NRF1: variants seen among roughly 807,000 people sequenced by gnomAD.
The protein encoded by NRF1 is alpha palindromic-binding protein.
NRF1 carries 5 observed loss-of-function variants against 58.5 expected under a neutral mutation model. The observed-to-expected ratio is 0.09, with a 90% CI of 0.04 to 0.18. The LOEUF is 0.18. NRF1 is among the 10% of genes least tolerant of loss of function. The pLI, the probability that NRF1 is intolerant of heterozygous loss-of-function variation, is 1.00. For missense variants in NRF1, 288 were observed against 657.7 expected, an observed-to-expected ratio of 0.44 and a Z score of 6.15; for synonymous variants, 224 against 246.7, an observed-to-expected ratio of 0.91 and a Z score of 0.86.
At chr7:129,612,226 G>C (rs1440703439) in intron 1 of NRF1, among the ~76,000 whole-genome samples, 1 of 151,186 alleles carries the variant, frequency 6.6e-6, no homozygotes, top group Non-Finnish European at 1.5e-5. Context: ...GGAGCGGGAG[G>C]TGGGCGGGCT....
intron 2 of NRF1, among the ~76,000 whole-genome samples, chr7:129,658,701 A>G (rs1801715622): frequency 6.6e-6 from 1 of 151,852 alleles, no homozygotes; most frequent in Non-Finnish European, 1.5e-5. Context: ...TCATGCGCCC[A>G]TCCTATATGC....
At chr7:129,701,610 GAA>G (rs981454259) in intron 5 of NRF1, among the ~76,000 whole-genome samples, 1 of 145,164 alleles carries the variant, frequency 6.9e-6, no homozygotes, top group Admixed American at 7.0e-5. Context: ...AAAAGAAAAA[GAA>G]AAAAAAAAGA....
At chr7:129,679,854 T>C (rs995130919) in intron 4 of NRF1, among the ~76,000 whole-genome samples, 8 of 151,680 alleles carry the variant, frequency 5.3e-5, no homozygotes, top group African/African-American at 1.9e-4. Flanking sequence ...AGTCAGGAGT[T>C]CAAGACCAGC....
intron 4 of NRF1, among the ~76,000 whole-genome samples, chr7:129,678,247 A>G (rs1802228322): frequency 6.6e-6 from 1 of 152,200 alleles, no homozygotes; most frequent in South Asian, 2.1e-4. Context: ...TTTTGATTGT[A>G]TAACTATCCA....
chr7:129,745,204 T>A (rs1803944790), intron 10 of NRF1, among the ~76,000 whole-genome samples: 1 of 152,114 alleles, frequency 6.6e-6, no homozygotes, highest in Non-Finnish European at 1.5e-5. Flanking sequence ...ATTGCCATGA[T>A]CTATCCTCTG....
intron 4 of NRF1, among the ~76,000 whole-genome samples, chr7:129,687,276 CTTTT>C (rs34165257): frequency 1.5e-5 from 2 of 137,754 alleles, no homozygotes. Context: ...GATGCAAGTC[CTTTT>C]TTTTTTTTTT....
At chr7:129,633,086 A>G (rs1282101319) in intron 1 of NRF1, among the ~76,000 whole-genome samples, 2 of 152,316 alleles carry the variant, frequency 1.3e-5, no homozygotes, top group South Asian at 2.1e-4. Flanking sequence ...TATATCAGAC[A>G]TACTTGGTAA....
chr7:129,724,997 G>A (rs1469987864), intron 9 of NRF1, among the ~76,000 whole-genome samples: 3 of 152,182 alleles, frequency 2.0e-5, no homozygotes, highest in Non-Finnish European at 4.4e-5. Context: ...GATTGCTTGA[G>A]CCCGGGAATT....
At chr7:129,681,308 A>C (rs1308473335) in intron 4 of NRF1, among the ~76,000 whole-genome samples, 1 of 152,204 alleles carries the variant, frequency 6.6e-6, no homozygotes, top group African/African-American at 2.4e-5. Flanking sequence ...GAAACCAAGA[A>C]AATAAATTTG....
At chr7:129,726,570 A>T (rs1274513276) in intron 9 of NRF1, among the ~76,000 whole-genome samples, 1 of 152,186 alleles carries the variant, frequency 6.6e-6, no homozygotes, top group African/African-American at 2.4e-5. Flanking sequence ...AACTGTATTT[A>T]TACAGTTTGG....
At chr7:129,633,301 G>A (rs1801092043) in intron 1 of NRF1, 2 of 152,140 alleles carry the variant, frequency 1.3e-5, no homozygotes, top group South Asian at 4.1e-4. Flanking sequence ...ATGGGAAAAA[G>A]GAAAATAAAA....
At chr7:129,714,924 A>G (rs536582885) in intron 8 of NRF1, among the ~76,000 whole-genome samples, 2 of 152,302 alleles carry the variant, frequency 1.3e-5, no homozygotes, top group South Asian at 2.1e-4. Context: ...TGAAGCAGGA[A>G]TAGCAAGAGC....
intron 1 of NRF1, chr7:129,633,467 T>A (rs1461080901): frequency 6.6e-6 from 1 of 152,232 alleles, no homozygotes; most frequent in Non-Finnish European, 1.5e-5. Flanking sequence ...CCTTGTGCAC[T>A]TTTTAGTTAG....
chr7:129,698,144 T>G (rs1218986969), intron 5 of NRF1, among the ~76,000 whole-genome samples: 1 of 152,198 alleles, frequency 6.6e-6, no homozygotes, highest in Non-Finnish European at 1.5e-5. Context: ...AACTAAATGC[T>G]CTGTTCTTTT....
chr7:129,688,723 A>G (rs10954250), intron 4 of NRF1, among the ~76,000 whole-genome samples: 129,981 of 152,082 alleles, frequency 0.85, 55,680 homozygotes, highest in Middle Eastern at 0.91. Flanking sequence ...ACAGGTGCGG[A>G]GAGGGAATGC....
chr7:129,744,790 G>GT lies in NRF1; in HGVS notation c.1349-10221dup, dbSNP rs1803933471. 3.9e-5 allele frequency among the ~76,000 whole-genome samples: 6 copies of GT among 152,034 alleles called. No homozygotes were observed. The South Asian group carries it at 1.0e-3, about 26-fold the overall frequency. ...CTTTATGTGCTCTTAAAAAGTTTTA[G>GT]TTTTTTTGTGGTTTTTTTCCTAAAT... is the stretch of plus-strand genomic sequence containing the variant. On this transcript the variant is annotated intron_variant, in intron 10 of 10. Transcript: ENST00000393232.
chr7:129,611,925 C>G (rs1448329579), intron 1 of NRF1, 101 bp downstream of exon 1: 3 of 148,578 alleles, frequency 2.0e-5, no homozygotes, highest in African/African-American at 4.9e-5. Context: ...AGCCGGCACC[C>G]TGCCGCCCCC....
At chr7:129,638,789 T>C (rs1801225047) in intron 1 of NRF1, among the ~76,000 whole-genome samples, 1 of 152,210 alleles carries the variant, frequency 6.6e-6, no homozygotes, top group Admixed American at 6.5e-5. Context: ...TCTGTGAGTT[T>C]AGTGATATCT....
chr7:129,625,303 G>A (rs1013087353), intron 1 of NRF1, among the ~76,000 whole-genome samples: 1 of 152,044 alleles, frequency 6.6e-6, no homozygotes, highest in Non-Finnish European at 1.5e-5. Flanking sequence ...CTCTAAGGAC[G>A]CTTTCTTCAA....
Sources: allele counts gnomAD v4.1 joint callset (sites outside exome capture counted in the v4.1 genomes callset), GRCh38; gene constraint gnomAD v4.1.1; transcripts MANE v1.5; gene names NCBI Gene and HGNC (gene_info 2026-07-23, HGNC 2026-07-21).